PRIM2: variants seen among roughly 807,000 people sequenced by gnomAD.
The protein encoded by PRIM2 is DNA primase large subunit.
A neutral mutation model predicts 67.3 loss-of-function variants in PRIM2; 39 were observed. That is an observed-to-expected ratio of 0.58 (90% confidence interval 0.45 to 0.76). The LOEUF is 0.76. Ranked by LOEUF, PRIM2 falls within the 30% of genes least tolerant of loss-of-function variation. The pLI is 0.00. For synonymous variants in PRIM2, 143 were observed against 198.7 expected (o/e 0.72, Z 2.36); for missense variants, 398 against 598.7 (o/e 0.66, Z 3.50).
the PRIM2 span, among the ~76,000 whole-genome samples, chr6:57,294,752 A>G: frequency 6.6e-6 from 1 of 151,924 alleles, no homozygotes; most frequent in Non-Finnish European, 1.5e-5. Context: ...GAAAAATACA[A>G]AAGTGTTCAT....
Position 57,614,721 on chromosome 6 carries a change from G to A in PRIM2, c.1230+8264G>A, listed in dbSNP as rs1776723558. 3.3e-5 allele frequency among the ~76,000 whole-genome samples: 5 copies of A among 152,366 alleles called. No homozygotes were observed. In the South Asian group the frequency reaches 8.3e-4, roughly 25 times the overall value. ...AAAAATTAGCCGGGCGTGCTAGCGG[G>A]CGCCTGTAGTCCCAGCTACTTGGGA... On this transcript the variant is annotated intron_variant, in intron 12 of 13. Coordinates refer to ENST00000615550, the MANE Select transcript of PRIM2 (RefSeq NM_000947.5).
chr6:57,517,982 C>A, intron 8 of PRIM2, among the ~76,000 whole-genome samples: 1 of 152,230 alleles, frequency 6.6e-6, no homozygotes, highest in East Asian at 1.9e-4. Flanking sequence ...AACCTAAGAG[C>A]ACCCCCTGGC....
At chr6:57,426,536 A>G (rs796155904) in intron 7 of PRIM2, among the ~76,000 whole-genome samples, 5 of 152,248 alleles carry the variant, frequency 3.3e-5, no homozygotes, top group Non-Finnish European at 4.4e-5. Flanking sequence ...GATGCTCAGT[A>G]TTGCTAGTCA....
the PRIM2 span, among the ~76,000 whole-genome samples, chr6:57,228,331 C>T: frequency 6.6e-6 from 1 of 152,228 alleles, no homozygotes; most frequent in Non-Finnish European, 1.5e-5. Flanking sequence ...TTGCAAATCA[C>T]AAAGTGCCTT....
At chr6:57,501,486 G>A (rs1774131019) in intron 7 of PRIM2, among the ~76,000 whole-genome samples, 1 of 152,096 alleles carries the variant, frequency 6.6e-6, no homozygotes, top group South Asian at 2.1e-4. Context: ...TTTTAGTAGA[G>A]ACGGGATTTC....
intron 5 of PRIM2, among the ~76,000 whole-genome samples, chr6:57,361,502 G>A (rs915761848): frequency 3.4e-5 from 5 of 146,260 alleles, no homozygotes; most frequent in African/African-American, 5.2e-5. Flanking sequence ...AGATGGTTGG[G>A]AAACACTTTT....
rs1490377081 is a variant in PRIM2 at position 57,414,340 on chromosome 6, A to AG, written c.693+32172_693+32173insG. On this transcript the variant is annotated intron_variant, in intron 7 of 13. Transcript: ENST00000615550. ...CCTAATGCTTACCATACTGCTTTGC[A>AG]TATTATACTGGTTCTATAAGTGTTT... is the stretch of plus-strand genomic sequence containing the variant. Among the ~76,000 whole-genome samples, 7 of 152,302 alleles carry AG rather than the reference A, an allele frequency of 4.6e-5. No individual in the cohort carries two copies. The East Asian group carries it at 1.3e-3, about 29-fold the overall frequency.
chr6:57,447,251 C>A (rs1207229422), intron 7 of PRIM2, among the ~76,000 whole-genome samples: 1 of 152,162 alleles, frequency 6.6e-6, no homozygotes, highest in Non-Finnish European at 1.5e-5. Context: ...TGTATGAGTG[C>A]AGATTTATGG....
chr6:57,643,023 T>A (rs1460059938), intron 13 of PRIM2, among the ~76,000 whole-genome samples: 3 of 152,184 alleles, frequency 2.0e-5, no homozygotes, highest in Non-Finnish European at 4.4e-5. Context: ...TATTTAGATT[T>A]CATAGAACAA....
At chr6:57,454,951 C>G (rs1407358630) in intron 7 of PRIM2, among the ~76,000 whole-genome samples, 3 of 152,052 alleles carry the variant, frequency 2.0e-5, no homozygotes, top group African/African-American at 7.3e-5. Flanking sequence ...CTACACAGTG[C>G]TTTGAATGTG....
chr6:57,281,282 A>G, the PRIM2 span, among the ~76,000 whole-genome samples: 1 of 152,282 alleles, frequency 6.6e-6, no homozygotes, highest in East Asian at 1.9e-4. Flanking sequence ...TATCTCTTCC[A>G]TATATTCATT....
chr6:57,374,303 A>ATTTATTTATTTATTTTTTTT (rs1554331462), intron 5 of PRIM2, among the ~76,000 whole-genome samples: 2 of 139,790 alleles, frequency 1.4e-5, no homozygotes, highest in Non-Finnish European at 3.1e-5. Flanking sequence ...TTATTTATTT[A>ATTTATTTATTTATTTTTTTT]TTTTTTTTGA....
chr6:57,584,729 A>T (rs1776158377), intron 10 of PRIM2, among the ~76,000 whole-genome samples: 1 of 152,208 alleles, frequency 6.6e-6, no homozygotes, highest in African/African-American at 2.4e-5. Context: ...TCAGAGATAT[A>T]TTTGATTATA....
chr6:57,420,084 C>A (rs1177730457), intron 7 of PRIM2, among the ~76,000 whole-genome samples: 14 of 152,134 alleles, frequency 9.2e-5, no homozygotes, highest in African/African-American at 2.9e-4. Context: ...TGATTTCCCA[C>A]AGTGGGAGTG....
the PRIM2 span, among the ~76,000 whole-genome samples, chr6:57,240,527 A>C: frequency 1.3e-5 from 2 of 152,168 alleles, no homozygotes; most frequent in Admixed American, 6.5e-5. Context: ...GAAAGAGTAC[A>C]CAAAGAAAGA....
chr6:57,311,148 G>C (rs1376713938), upstream of PRIM2, among the ~76,000 whole-genome samples: 1 of 139,108 alleles, frequency 7.2e-6, no homozygotes, highest in Admixed American at 7.2e-5. Flanking sequence ...CCGTGCAGAG[G>C]CGCCCCTCAC....
chr6:57,620,677 C>A (rs1207773662), intron 12 of PRIM2, among the ~76,000 whole-genome samples: 2 of 152,114 alleles, frequency 1.3e-5, no homozygotes, highest in Non-Finnish European at 2.9e-5. Context: ...AAACAAAAAA[C>A]CAAAGTATGC....
the PRIM2 span, among the ~76,000 whole-genome samples, chr6:57,224,551 A>T: frequency 6.6e-6 from 1 of 152,044 alleles, no homozygotes; most frequent in Admixed American, 6.6e-5. Context: ...AATAAACTTG[A>T]TGCTCTTGAA....
At chr6:57,287,864 A>G in the PRIM2 span, among the ~76,000 whole-genome samples, 8 of 152,096 alleles carry the variant, frequency 5.3e-5, no homozygotes, top group Admixed American at 5.2e-4. Flanking sequence ...ATTGACACAG[A>G]AGACGGGTGA....
Sources: allele counts gnomAD v4.1 joint callset (sites outside exome capture counted in the v4.1 genomes callset), GRCh38; gene constraint gnomAD v4.1.1; transcripts MANE v1.5; gene names NCBI Gene and HGNC (gene_info 2026-07-23, HGNC 2026-07-21).